ATP5MC3: variants seen among roughly 807,000 people sequenced by gnomAD.
ATP5MC3 encodes the protein ATP synthase membrane subunit c locus 3, also known as ATP synthase F(0) complex subunit C3, mitochondrial.
ATP5MC3 carries 6 observed loss-of-function variants against 15.6 expected under a neutral mutation model. The observed-to-expected ratio is 0.38, with a 90% CI of 0.21 to 0.76. ATP5MC3 has a LOEUF of 0.76. Among genes scored for constraint, ATP5MC3 ranks in the 30% least tolerant of loss-of-function variants. The pLI, the probability that ATP5MC3 is intolerant of heterozygous loss-of-function variation, is 0.44. For missense variants in ATP5MC3, 132 were observed against 171.2 expected (o/e 0.77, Z 1.28); for synonymous variants, 66 against 63.3 (o/e 1.04, Z -0.20).
At chr2:175,178,712 G>T (rs1433008681) in intron 4 of ATP5MC3, 1 of 1,154,856 alleles carries the variant, frequency 8.7e-7, no homozygotes, top group Non-Finnish European at 1.1e-6. Flanking sequence ...AAAATAAATT[G>T]ATCCTTTTAA....
chr2:175,178,561 C>G (rs1559142693), intron 4 of ATP5MC3, 159 bp from the exon 5 acceptor site: 1 of 1,374,428 alleles, frequency 7.3e-7, no homozygotes, highest in Non-Finnish European at 9.4e-7. Flanking sequence ...CTCCTTCAAT[C>G]CTGATAATAT....
In ATP5MC3 at chr2:175,180,084, A is replaced by G. The variant is rs908980392; in HGVS notation, c.120+14T>C. The G allele has an allele frequency of 5.1e-6, 8 of 1,573,556 alleles. No individual in the cohort carries two copies. Among genetic ancestry groups the G allele is most frequent in the Non-Finnish European group, 6.9e-6 (8 of 1,164,068 alleles). On this transcript the variant is annotated intron_variant, in intron 3 of 4. Transcript: ENST00000284727. Reference sequence around the variant, plus strand: ...TTGGTAGTGTTACCTAATTTCAATTATTGCTACTATTACCTCTCCAGTCCT... The same window carrying G: ...TTGGTAGTGTTACCTAATTTCAATTGTTGCTACTATTACCTCTCCAGTCCT...
rs543134495 is a variant in ATP5MC3 at position 175,180,152 on chromosome 2, G to A, written c.66C>T (p.Tyr22=). 167 of 1,597,372 alleles carry A rather than the reference G, an allele frequency of 1.0e-4. 3 individuals are homozygous for A. In the East Asian group the frequency reaches 3.5e-3, roughly 33 times the overall value. Reference sequence around the variant, plus strand: ...ATAACACTGATGCAGAAATTGGTCTGTATGCAACTCTGGATCCAGCTCGGA... The same window carrying A: ...ATAACACTGATGCAGAAATTGGTCTATATGCAACTCTGGATCCAGCTCGGA... ...SLIRAGSRVA[Y]RPISASVLSR... The change falls in exon 3 of 5, where the codon TAC becomes TAT. Residue 22 remains tyrosine (Y), a synonymous_variant. Transcript: ENST00000284727.
chr2:175,178,198 C>A lies in ATP5MC3; in HGVS notation c.*90G>T. The A allele has an allele frequency of 1.3e-6, 2 of 1,511,466 alleles. No homozygotes were observed. Among genetic ancestry groups the A allele is most frequent in the South Asian group, 1.4e-5 (1 of 72,420 alleles). The allele number at this position is 1,511,466 out of a possible 1,614,324, so 93.6% of individuals were successfully genotyped here. On this transcript the variant is annotated 3_prime_UTR_variant, in exon 5 of 5. Coordinates refer to ENST00000284727, the MANE Select transcript of ATP5MC3 (RefSeq NM_001689.5). ...TTGGAAATAACGTACATTCCCATGA[C>A]ACCAATACTACAGTTTTCGGAGTCA...
intron 4 of ATP5MC3, 151 bp from the exon 5 acceptor site, chr2:175,178,553 C>G: frequency 7.2e-7 from 1 of 1,383,746 alleles, no homozygotes; most frequent in Non-Finnish European, 9.4e-7. Flanking sequence ...ACACTATTCT[C>G]CTTCAATCCT....
rs1238094643 is a variant in ATP5MC3 at position 175,177,397 on chromosome 2, T to G, written c.*891A>C. The G allele has an allele frequency of 2.0e-5, 3 of 152,300 alleles. No homozygotes were observed. Among genetic ancestry groups the G allele is most frequent in the African/African-American group, 7.2e-5 (3 of 41,552 alleles). 9.4% of individuals were successfully genotyped at this position (152,300 alleles called of 1,614,324 possible). ...AGATATTATGGTACAATATATTTGC[T>G]AGGGGAAAAACTGTCTATAGTAGCA... On this transcript the variant is annotated 3_prime_UTR_variant, in exon 5 of 5. Coordinates refer to ENST00000284727, the MANE Select transcript of ATP5MC3 (RefSeq NM_001689.5).
At chr2:175,181,228 G>T in intron 2 of ATP5MC3, 127 bp downstream of exon 2, 1 of 1,168,812 alleles carries the variant, frequency 8.6e-7, no homozygotes, top group Non-Finnish European at 1.2e-6. Flanking sequence ...TGGGTTAATA[G>T]GTAAGGAGAA....
Position 175,179,048 on chromosome 2 carries a change from A to G in ATP5MC3, c.314+9T>C. The G allele has an allele frequency of 1.2e-6, 2 of 1,610,908 alleles. No homozygotes were observed. Among genetic ancestry groups the G allele is most frequent in the Non-Finnish European group, 1.7e-6 (2 of 1,178,412 alleles). ...TGCTCTTAACTTATTTAGGGATAGA[A>G]ATGATTACCTGGCATAACCAATGAT... On this transcript the variant is annotated intron_variant, in intron 4 of 4. Coordinates refer to ENST00000284727, the MANE Select transcript of ATP5MC3 (RefSeq NM_001689.5).
rs11885686 is a variant in ATP5MC3 at position 175,176,640 on chromosome 2, C to T, written c.*1648G>A. 14,617 of 152,162 alleles carry T rather than the reference C, an allele frequency of 0.096. 726 individuals are homozygous for T. The highest frequency in any genetic ancestry group is 0.18 in the Middle Eastern group (53 of 294). 9.4% of individuals were successfully genotyped at this position (152,162 alleles called of 1,614,324 possible). A position where few individuals can be genotyped will look rare whatever the true frequency, so the allele number is the denominator to read the frequency against. On this transcript the variant is annotated 3_prime_UTR_variant, in exon 5 of 5. Coordinates refer to ENST00000284727, the MANE Select transcript of ATP5MC3 (RefSeq NM_001689.5). ...CTAAAAGGAATCCCCATACGCATTA[C>T]GCAGTCACTCCCTTTTCACCCCCTC...
chr2:175,179,314 T>C lies in ATP5MC3; in HGVS notation c.121-64A>G, dbSNP rs540160055. 4.0e-6 allele frequency: 6 copies of C among 1,506,644 alleles called. No individual in the cohort carries two copies. The East Asian group carries it at 1.4e-4, about 34-fold the overall frequency. 93.3% of individuals were successfully genotyped at this position (1,506,644 alleles called of 1,614,324 possible). ...ACCACAGGTAGCTATTTTAATTAAA[T>C]ACCATATTGTCAAAATGATAACTAC... On this transcript the variant is annotated intron_variant, in intron 3 of 4. Coordinates refer to ENST00000284727, the MANE Select transcript of ATP5MC3 (RefSeq NM_001689.5).
intron 3 of ATP5MC3, chr2:175,179,867 A>G: frequency 2.1e-6 from 1 of 475,118 alleles, no homozygotes; most frequent in Non-Finnish European, 3.6e-6. Flanking sequence ...AACTTAAATC[A>G]ATAGACTTGA....
In ATP5MC3 at chr2:175,180,903, C is replaced by T. The variant is rs3755491; in HGVS notation, c.39+452G>A. 4.5e-4 allele frequency among the ~76,000 whole-genome samples: 69 copies of T among 152,316 alleles called. 1 individual carries two copies. The East Asian group carries it at 0.012, about 26-fold the overall frequency. On this transcript the variant is annotated intron_variant, in intron 2 of 4. Transcript: ENST00000284727. ...GGCTCGTTCCCCCACCACCTTCCTC[C>T]GCCCCCACACGGAAAGGCAAAGTCC...
chr2:175,178,348 C>T lies in ATP5MC3; in HGVS notation c.369G>A (p.Leu123=), dbSNP rs1204950100. Residue 123 remains leucine (L), a synonymous_variant, in exon 5 of 5, where the codon TTG becomes TTA. Transcript: ENST00000284727. ...AACAAAAGAGACCCATAGCTTCAGA[C>T]AAGGCAAATCCCAGGATAGCATATG... ...LFSYAILGFA[L]SEAMGLFCLM... 5.0e-6 allele frequency: 8 copies of T among 1,613,082 alleles called. No individual in the cohort carries two copies. Among genetic ancestry groups the T allele is most frequent in the Non-Finnish European group, 6.8e-6 (8 of 1,179,672 alleles).
chr2:175,177,403 A>G lies in ATP5MC3; in HGVS notation c.*885T>C, dbSNP rs1322511653. The stretch of plus-strand genomic sequence containing the variant: ...TATGGTACAATATATTTGCTAGGGG[A>G]AAAACTGTCTATAGTAGCACCATCT... On this transcript the variant is annotated 3_prime_UTR_variant, in exon 5 of 5. Coordinates refer to ENST00000284727, the MANE Select transcript of ATP5MC3 (RefSeq NM_001689.5). 1 of 152,166 alleles carries G rather than the reference A, an allele frequency of 6.6e-6. No individual in the cohort carries two copies. The highest frequency in any genetic ancestry group is 6.5e-5 in the Admixed American group (1 of 15,280). 9.4% of individuals were successfully genotyped at this position (152,166 alleles called of 1,614,324 possible). A position where few individuals can be genotyped will look rare whatever the true frequency, so the allele number is the denominator to read the frequency against.
chr2:175,181,305 G>C (rs368052450), intron 2 of ATP5MC3, 50 bp downstream of exon 2: 2 of 1,598,106 alleles, frequency 1.3e-6, no homozygotes, highest in Non-Finnish European at 1.7e-6. Context: ...GGACGCTCTA[G>C]GCCAAAACGC....
chr2:175,181,488 AG>A (rs1298405580), intron 1 of ATP5MC3, 22 bp from the exon 2 acceptor site: 2 of 1,496,548 alleles, frequency 1.3e-6, no homozygotes, highest in Non-Finnish European at 1.8e-6. Context: ...AAGAGGCTTA[AG>A]GTCAAGTGCC....
At chr2:175,178,536 C>G in intron 4 of ATP5MC3, 134 bp from the exon 5 acceptor site, 1 of 1,412,262 alleles carries the variant, frequency 7.1e-7, no homozygotes, top group Non-Finnish European at 9.2e-7. Flanking sequence ...TTGCCTAGAT[C>G]TCTCTTACAC....
In ATP5MC3 at chr2:175,178,234, C is replaced by T. The variant is rs748839232; in HGVS notation, c.*54G>A. On this transcript the variant is annotated 3_prime_UTR_variant, in exon 5 of 5. Coordinates refer to ENST00000284727, the MANE Select transcript of ATP5MC3 (RefSeq NM_001689.5). ...CAGTTTTCGGAGTCACAGTAAGATA[C>T]ACAGAATTACATCCGTAATTAATAT... 1.5e-5 allele frequency: 24 copies of T among 1,579,430 alleles called. No homozygotes were observed. The highest frequency in any genetic ancestry group is 2.1e-5 in the Non-Finnish European group (24 of 1,167,492).
Position 175,181,679 on chromosome 2 carries a change from C to CA in ATP5MC3, c.-98_-97insT. The CA allele has an allele frequency of 2.1e-6, 1 of 476,508 alleles. No individual in the cohort carries two copies. The highest frequency in any genetic ancestry group is 2.0e-5 in the African/African-American group (1 of 49,624). 29.5% of individuals were successfully genotyped at this position (476,508 alleles called of 1,614,324 possible). ...ACCTTCCCAGGAGGCGGCGGCGGCA[C>CA]GGGCTGCGGCAGAGGTCGAAGGAGT... On this transcript the variant is annotated 5_prime_UTR_variant, in exon 1 of 5. Coordinates refer to ENST00000284727, the MANE Select transcript of ATP5MC3 (RefSeq NM_001689.5).
Sources: allele counts gnomAD v4.1 joint callset (sites outside exome capture counted in the v4.1 genomes callset), GRCh38; gene constraint gnomAD v4.1.1; transcripts MANE v1.5; gene names NCBI Gene and HGNC (gene_info 2026-07-23, HGNC 2026-07-21).